The following FHIT variants were observed in gnomAD, a reference collection of about 807,000 sequenced individuals.
The protein encoded by FHIT is bis(5'-adenosyl)-triphosphatase.
In FHIT, 19 loss-of-function variants were observed where a neutral mutation model predicts 17.9. That is an observed-to-expected ratio of 1.06 (90% CI 0.74 to 1.56). FHIT has a LOEUF of 1.56. FHIT is among the 40% of genes most tolerant of loss of function. FHIT has a pLI of 0.00. For synonymous variants in FHIT, 81 were observed against 69.7 expected (o/e 1.16, Z -0.81); for missense variants, 248 against 189.2 (o/e 1.31, Z -1.82).
At chr3:60,329,567 A>G (rs541947417) in intron 5 of FHIT, among the ~76,000 whole-genome samples, 1 of 152,374 alleles carries the variant, frequency 6.6e-6, no homozygotes, top group African/African-American at 2.4e-5. Flanking sequence ...GGAACAATCT[A>G]TAGCATGGGA....
chr3:60,955,797 G>A (rs1466846117), intron 3 of FHIT, among the ~76,000 whole-genome samples: 1 of 151,864 alleles, frequency 6.6e-6, no homozygotes. Flanking sequence ...AAACACTTCA[G>A]TAGATGGTAA....
At chr3:60,350,578 A>G (rs1381494551) in intron 5 of FHIT, among the ~76,000 whole-genome samples, 8 of 152,120 alleles carry the variant, frequency 5.3e-5, no homozygotes, top group Non-Finnish European at 1.2e-4. Context: ...CTGGTCCAGG[A>G]AGCTAAAAAC....
intron 7 of FHIT, among the ~76,000 whole-genome samples, chr3:60,009,163 TTATGTGTGTGTGTG>T (rs1349945639): frequency 0.019 from 2,426 of 128,832 alleles, 88 homozygotes; most frequent in Middle Eastern, 0.038. Context: ...CTCTGGGATT[TTATGTGTGTGTGTG>T]TGTGTGTGTG....
rs111935029 is a variant in FHIT, at chr3:60,026,991, C to T, written c.104-12839G>A. Among the ~76,000 whole-genome samples the T allele has an allele frequency of 3.4e-3, 521 of 151,956 alleles. 2 individuals carry two copies. Among genetic ancestry groups the T allele is most frequent in the Middle Eastern group, 0.014 (4 of 294 alleles). ...GCACACACCTGTAATCCCAGCTACT[C>T]GGAAAGCTGAGGCAGGAGAATTTCT... On this transcript the variant is annotated intron_variant, in intron 5 of 9. Transcript: ENST00000492590.
rs144929796 is a variant in FHIT at position 60,907,091 on chromosome 3, G to A, written c.-110-85080C>T. 9.6e-4 allele frequency among the ~76,000 whole-genome samples: 146 copies of A among 152,160 alleles called. 1 individual carries two copies. Among genetic ancestry groups the A allele is most frequent in the African/African-American group, 3.4e-3 (143 of 41,528 alleles). On this transcript the variant is annotated intron_variant, in intron 3 of 9. Coordinates refer to ENST00000492590, the MANE Select transcript of FHIT (RefSeq NM_002012.4). Reference sequence around the variant, plus strand: ...TCTTGGGACACAAAATAGTTACCCAGTCTCAAAGTATCACCCCACAGATAC... The same window carrying A: ...TCTTGGGACACAAAATAGTTACCCAATCTCAAAGTATCACCCCACAGATAC...
intron 5 of FHIT, among the ~76,000 whole-genome samples, chr3:60,448,799 T>TACATCTC (rs1490230119): frequency 6.6e-6 from 1 of 152,162 alleles, no homozygotes; most frequent in East Asian, 1.9e-4. Flanking sequence ...GATTCTTCCC[T>TACATCTC]ACTACATCTC....
intron 5 of FHIT, among the ~76,000 whole-genome samples, chr3:60,270,210 CAG>C (rs1274951070): frequency 6.6e-6 from 1 of 152,184 alleles, no homozygotes; most frequent in Admixed American, 6.5e-5. Context: ...AGGCAGCAAA[CAG>C]AGAAAAAGAA....
At chr3:60,205,467 A>T (rs530414954) in intron 5 of FHIT, among the ~76,000 whole-genome samples, 1 of 152,196 alleles carries the variant, frequency 6.6e-6, no homozygotes, top group Non-Finnish European at 1.5e-5. Flanking sequence ...ACTGGGGTGG[A>T]AAGATAAAGG....
At chr3:60,012,659 A>G (rs1208541209) in intron 6 of FHIT, among the ~76,000 whole-genome samples, 1 of 152,132 alleles carries the variant, frequency 6.6e-6, no homozygotes, top group Non-Finnish European at 1.5e-5. Context: ...TTATCAATAT[A>G]GGCATATGCA....
At chr3:60,346,974 T>C (rs1238671910) in intron 5 of FHIT, among the ~76,000 whole-genome samples, 6 of 152,222 alleles carry the variant, frequency 3.9e-5, no homozygotes, top group African/African-American at 1.2e-4. Context: ...ATCAGGCGTA[T>C]CATCTAGAAA....
intron 5 of FHIT, among the ~76,000 whole-genome samples, chr3:60,276,504 G>C (rs1314003117): frequency 1.3e-5 from 2 of 152,144 alleles, no homozygotes; most frequent in African/African-American, 4.8e-5. Context: ...GAGAGAACTG[G>C]CCTCAGCCAA....
intron 5 of FHIT, among the ~76,000 whole-genome samples, chr3:60,379,954 G>T (rs1184165541): frequency 6.6e-6 from 1 of 152,082 alleles, no homozygotes; most frequent in Non-Finnish European, 1.5e-5. Context: ...AACCTTTAAG[G>T]TATTCAAAAA....
In FHIT at chr3:60,540,341, G is replaced by A. The variant is rs985565694; in HGVS notation, c.-17-3362C>T. ...TCCCTGAATTCTTTGAGTTGTTCAAGCAAATTGATTGAACTCAAAGAAGGG... is the reference window on the plus strand; with the variant it reads ...TCCCTGAATTCTTTGAGTTGTTCAAACAAATTGATTGAACTCAAAGAAGGG... On this transcript the variant is annotated intron_variant, in intron 4 of 9. Transcript: ENST00000492590. Among the ~76,000 whole-genome samples the A allele has an allele frequency of 1.2e-4, 19 of 152,186 alleles. 2 individuals are homozygous for A. The highest frequency in any genetic ancestry group is 1.2e-3 in the Admixed American group (19 of 15,288).
chr3:60,874,299 T>C (rs567043585), intron 3 of FHIT, among the ~76,000 whole-genome samples: 1 of 152,246 alleles, frequency 6.6e-6, no homozygotes, highest in Admixed American at 6.5e-5. Context: ...CCAACACTCC[T>C]CAAAGAAAAC....
intron 3 of FHIT, among the ~76,000 whole-genome samples, chr3:60,873,055 G>A (rs1553755390): frequency 6.6e-6 from 1 of 152,016 alleles, no homozygotes; most frequent in Non-Finnish European, 1.5e-5. Context: ...GAAAAAACTT[G>A]TAGGGTAGCA....
chr3:61,076,237 C>G (rs1033047827), intron 2 of FHIT, among the ~76,000 whole-genome samples: 2 of 152,144 alleles, frequency 1.3e-5, no homozygotes, highest in African/African-American at 2.4e-5. Flanking sequence ...ACCCTTAAAC[C>G]CTTTTGAATT....
At chr3:60,206,431 G>A (rs1703194079) in intron 5 of FHIT, among the ~76,000 whole-genome samples, 1 of 152,016 alleles carries the variant, frequency 6.6e-6, no homozygotes, top group African/African-American at 2.4e-5. Flanking sequence ...GGCAAATCTG[G>A]GTAGATGTTG....
chr3:61,198,890 G>A (rs932643171), intron 2 of FHIT, among the ~76,000 whole-genome samples: 6 of 92,646 alleles, frequency 6.5e-5, no homozygotes, highest in East Asian at 7.1e-4. Flanking sequence ...TGCTGCTGCC[G>A]CCGCCGATGA....
chr3:60,069,915 C>A (rs1702691617), intron 5 of FHIT, among the ~76,000 whole-genome samples: 1 of 152,178 alleles, frequency 6.6e-6, no homozygotes, highest in Non-Finnish European at 1.5e-5. Flanking sequence ...TAAAAACTTT[C>A]TTCTGTCTAG....
Sources: allele counts gnomAD v4.1 joint callset (sites outside exome capture counted in the v4.1 genomes callset), GRCh38; gene constraint gnomAD v4.1.1; transcripts MANE v1.5; gene names NCBI Gene and HGNC (gene_info 2026-07-23, HGNC 2026-07-21).